The following VWA5B1 variants were observed in gnomAD, a reference collection of about 807,000 sequenced individuals.
VWA5B1 encodes the protein von Willebrand factor A domain containing 5B1, also known as von Willebrand factor A domain-containing protein 5B1.
VWA5B1 carries 115 observed loss-of-function variants against 118.2 expected under a neutral mutation model. The ratio of observed to expected loss-of-function variants is 0.97; its 90% CI spans 0.84 to 1.14. VWA5B1 has a LOEUF of 1.14. VWA5B1 is among the 50% of genes most tolerant of loss of function. VWA5B1 has a pLI of 0.00. For synonymous variants in VWA5B1, 682 were observed against 658.4 expected (o/e 1.04, Z -0.55); for missense variants, 1,596 against 1,603.8 (o/e 1.00, Z 0.08).
intron 7 of VWA5B1, among the ~76,000 whole-genome samples, chr1:20,321,875 G>A (rs1296145814): frequency 6.6e-6 from 1 of 152,194 alleles, no homozygotes; most frequent in Admixed American, 6.5e-5. Flanking sequence ...TGGACAGGCA[G>A]GCAGGGGTCA....
chr1:20,343,406 G>C lies in VWA5B1; in HGVS notation c.2626+13G>C, dbSNP rs2089931084. On this transcript the variant is annotated intron_variant, in intron 16 of 21. Transcript: ENST00000289815. ...GAGATCGAGCAGGGTGAGCGCCACG[G>C]AACTGCGCCCCTCCCGCGGACGGCC... The C allele has an allele frequency of 6.7e-7, 1 of 1,497,494 alleles. No individual in the cohort carries two copies. Among genetic ancestry groups the C allele is most frequent in the African/African-American group, 1.4e-5 (1 of 72,110 alleles). 92.8% of individuals were successfully genotyped at this position (1,497,494 alleles called of 1,614,324 possible).
chr1:20,353,094 G>A (rs758807215), intron 21 of VWA5B1, among the ~76,000 whole-genome samples: 1 of 152,228 alleles, frequency 6.6e-6, no homozygotes, highest in Non-Finnish European at 1.5e-5. Flanking sequence ...AGAAGGTCAA[G>A]GCTAAGCCAA....
intron 1 of VWA5B1, among the ~76,000 whole-genome samples, chr1:20,300,270 TCAACTGGGCGGGGTG>T (rs2088480593): frequency 2.0e-5 from 3 of 152,076 alleles, no homozygotes; most frequent in Admixed American, 6.5e-5. Flanking sequence ...ACAGATCCCT[TCAACTGGGCGGGGTG>T]CATGAGGAAT....
rs2090229355 is a variant in VWA5B1, at chr1:20,356,361, C to A, written c.*2098C>A. Among the ~76,000 whole-genome samples the A allele has an allele frequency of 6.6e-6, 1 of 152,198 alleles. No individual in the cohort carries two copies. The highest frequency in any genetic ancestry group is 2.4e-5 in the African/African-American group (1 of 41,448). ...GACTCTCTGCCTCTGAGATGTTTCC[C>A]TCTTCATGAACATGAATTTGCTTGA... On this transcript the variant is annotated 3_prime_UTR_variant, in exon 22 of 22. Transcript: ENST00000289815.
At chr1:20,308,322 G>C (rs1570073492) in intron 1 of VWA5B1, among the ~76,000 whole-genome samples, 1 of 152,240 alleles carries the variant, frequency 6.6e-6, no homozygotes, top group Non-Finnish European at 1.5e-5. Flanking sequence ...GCCAGGGACA[G>C]TGTGGGCAGA....
At chr1:20,349,058 T>A (rs1320770210) in intron 18 of VWA5B1, 1 of 285,820 alleles carries the variant, frequency 3.5e-6, no homozygotes, top group African/African-American at 2.2e-5. Context: ...GCCTGGCCAC[T>A]AGCCCAGCCA....
chr1:20,337,920 G>A lies in VWA5B1; in HGVS notation c.2133+84G>A, dbSNP rs16823895. 16,322 of 1,518,186 alleles carry A rather than the reference G, an allele frequency of 0.011. 1,338 individuals are homozygous for A. In the African/African-American group the frequency reaches 0.19, roughly 18 times the overall value. The allele number at this position is 1,518,186 out of a possible 1,614,324, so 94.0% of individuals were successfully genotyped here. A position where few individuals can be genotyped will look rare whatever the true frequency, so the allele number is the denominator to read the frequency against. ...GTGTCCCCTGCTTCAACCGCAGGAC[G>A]TGGCCATCCACAACTTACACTGCCA... On this transcript the variant is annotated intron_variant, in intron 14 of 21. Coordinates refer to ENST00000289815, the MANE Select transcript of VWA5B1 (RefSeq NM_001039500.3).
chr1:20,321,228 T>C (rs1288693135), intron 7 of VWA5B1, among the ~76,000 whole-genome samples: 1 of 150,912 alleles, frequency 6.6e-6, no homozygotes, highest in African/African-American at 2.4e-5. Context: ...AGGGGGGCAA[T>C]ACTGAGAATG....
Position 20,309,056 on chromosome 1 carries a change from T to C in VWA5B1, c.-26-1520T>C, listed in dbSNP as rs78303728. Among the ~76,000 whole-genome samples, 499 of 152,256 alleles carry C rather than the reference T, an allele frequency of 3.3e-3. 1 individual carries two copies. The highest frequency in any genetic ancestry group is 0.012 in the African/African-American group (481 of 41,550). On this transcript the variant is annotated intron_variant, in intron 1 of 21. Transcript: ENST00000289815. ...CCACTTCTTCAAGGCATGTGATTAC[T>C]TGGGCGAGGGTCTTGGGAGGCCCTA...
At chr1:20,329,619 A>C (rs2089488405) in intron 9 of VWA5B1, among the ~76,000 whole-genome samples, 1 of 152,154 alleles carries the variant, frequency 6.6e-6, no homozygotes. Context: ...TTGAAATAGC[A>C]TCCCCCTGAG....
Position 20,343,332 on chromosome 1 carries a change from GGCCC to G in VWA5B1, c.2568_2571del (p.Arg857ProfsTer26), listed in dbSNP as rs2089928034. On this transcript the variant is annotated frameshift_variant, in exon 16 of 22. Coordinates refer to ENST00000289815, the MANE Select transcript of VWA5B1 (RefSeq NM_001039500.3). LOFTEE classifies it high-confidence loss of function. The stretch of plus-strand genomic sequence containing the variant: ...GGAGCGAGACCTTCCACCACCTGGC[GGCCC>G]GCGCCATCATCCGCGACTTCGAGCA... The G allele has an allele frequency of 6.5e-7, 1 of 1,543,026 alleles. No individual in the cohort carries two copies. Among genetic ancestry groups the G allele is most frequent in the Non-Finnish European group, 8.7e-7 (1 of 1,145,224 alleles).
rs1018884429 is a variant in VWA5B1, at chr1:20,350,595, T to C, written c.2954-262T>C. The stretch of plus-strand genomic sequence containing the variant: ...GAGCAGGGCTAAGTGAAGCTGTCAC[T>C]GTCCCCACAAGTAACTTTCCAGAAG... On this transcript the variant is annotated intron_variant, in intron 19 of 21. Transcript: ENST00000289815. Among the ~76,000 whole-genome samples, 15 of 152,248 alleles carry C rather than the reference T, an allele frequency of 9.9e-5. 1 individual carries two copies. In the South Asian group the frequency reaches 1.2e-3, roughly 13 times the overall value.
intron 8 of VWA5B1, among the ~76,000 whole-genome samples, chr1:20,325,303 A>G (rs925734519): frequency 1.8e-4 from 28 of 152,332 alleles, no homozygotes; most frequent in Admixed American, 6.5e-4. Context: ...TCCAGGGTCA[A>G]TTCTGCCACC....
intron 2 of VWA5B1, 27 bp downstream of exon 2, chr1:20,310,767 G>C: frequency 1.3e-6 from 2 of 1,513,448 alleles, no homozygotes; most frequent in African/African-American, 1.4e-5. Flanking sequence ...GGGCCTCCCC[G>C]GGACCACCCC....
At chr1:20,348,509 C>T (rs888040127) in intron 18 of VWA5B1, 151 bp downstream of exon 18, 3 of 782,054 alleles carry the variant, frequency 3.8e-6, no homozygotes, top group Non-Finnish European at 6.4e-6. Flanking sequence ...CCAGTCCTCC[C>T]AGGCTCTCTG....
rs934267186 is a variant in VWA5B1, at chr1:20,359,119, G to A, written c.*4856G>A. ...TTTGAGCTTACAGCCACGTCCCAAC[G>A]CAATGCGCCTCATCTCAATGCCGCT... is the stretch of plus-strand genomic sequence containing the variant. On this transcript the variant is annotated 3_prime_UTR_variant, in exon 22 of 22. Transcript: ENST00000289815. 4.6e-5 allele frequency among the ~76,000 whole-genome samples: 7 copies of A among 152,336 alleles called. No homozygotes were observed. The highest frequency in any genetic ancestry group is 1.2e-4 in the African/African-American group (5 of 41,580).
At chr1:20,315,100 C>G (rs1374660077) in intron 4 of VWA5B1, among the ~76,000 whole-genome samples, 1 of 152,190 alleles carries the variant, frequency 6.6e-6, no homozygotes, top group African/African-American at 2.4e-5. Context: ...AAAGACGGAC[C>G]CAACCTAGGG....
Position 20,357,822 on chromosome 1 carries a change from T to C in VWA5B1, c.*3559T>C, listed in dbSNP as rs975878431. Among the ~76,000 whole-genome samples the C allele has an allele frequency of 1.3e-5, 2 of 152,246 alleles. No homozygotes were observed. The highest frequency in any genetic ancestry group is 3.9e-4 in the East Asian group (2 of 5,180). On this transcript the variant is annotated 3_prime_UTR_variant, in exon 22 of 22. Coordinates refer to ENST00000289815, the MANE Select transcript of VWA5B1 (RefSeq NM_001039500.3). The stretch of plus-strand genomic sequence containing the variant: ...TGCGCTAACGGCCAGCCCCCTGAGC[T>C]TTCAGGCTCTCATTTATGGTATGGG...
chr1:20,342,500 C>T lies in VWA5B1; in HGVS notation c.2202C>T (p.Pro734=), dbSNP rs373924637. Residue 734 remains proline (P), a synonymous_variant, in exon 15 of 22, where the codon CCC becomes CCT. Transcript: ENST00000289815. ...TCCGTGGCCCAGGGGCCCGAAGGCC[C>T]TCTCTGCTGCCCCAAGGCTGCCAGC... ...PKLRGPGARR[P]SLLPQGCQPF... is the part of the protein sequence containing the mutation. 19 of 1,551,178 alleles carry T rather than the reference C, an allele frequency of 1.2e-5. No homozygotes were observed. Among genetic ancestry groups the T allele is most frequent in the Admixed American group, 2.0e-5 (1 of 50,958 alleles).
Sources: allele counts gnomAD v4.1 joint callset (sites outside exome capture counted in the v4.1 genomes callset), GRCh38; gene constraint gnomAD v4.1.1; transcripts MANE v1.5; gene names NCBI Gene and HGNC (gene_info 2026-07-23, HGNC 2026-07-21).